The following SVOPL variants were observed in gnomAD, a reference collection of about 807,000 sequenced individuals.
SVOPL encodes the protein SVOP like.
In SVOPL, 60 loss-of-function variants were observed where a neutral mutation model predicts 61.0. That is an observed-to-expected ratio of 0.98 (90% CI 0.80 to 1.22). SVOPL has a LOEUF of 1.22. Among genes scored for constraint, SVOPL ranks in the 50% most tolerant of loss-of-function variants. The pLI, the probability that SVOPL is intolerant of heterozygous loss-of-function variation, is 0.00. For missense variants in SVOPL, 662 were observed against 643.9 expected, an observed-to-expected ratio of 1.03 and a Z score of -0.30; for synonymous variants, 279 against 250.0, an observed-to-expected ratio of 1.12 and a Z score of -1.09.
At chr7:138,595,577 G>C (rs1363491580) in intron 15 of SVOPL, among the ~76,000 whole-genome samples, 1 of 152,168 alleles carries the variant, frequency 6.6e-6, no homozygotes, top group African/African-American at 2.4e-5. Context: ...GCAAAATTAA[G>C]TGACGCTAAA....
chr7:138,619,636 T>C (rs1799461967), intron 14 of SVOPL, among the ~76,000 whole-genome samples: 1 of 140,294 alleles, frequency 7.1e-6, no homozygotes, highest in South Asian at 2.3e-4. Context: ...TTTTAAAAAA[T>C]TCATGATAGC....
At chr7:138,633,517 C>T (rs1454899838) in intron 9 of SVOPL, among the ~76,000 whole-genome samples, 5 of 152,152 alleles carry the variant, frequency 3.3e-5, no homozygotes, top group Non-Finnish European at 5.9e-5. Context: ...TTCCTGAGGC[C>T]TCACCAGAAG....
At chr7:138,596,188 T>TAAAAAAAAA in intron 15 of SVOPL, among the ~76,000 whole-genome samples, 1 of 120,340 alleles carries the variant, frequency 8.3e-6, no homozygotes, top group Non-Finnish European at 1.7e-5. Flanking sequence ...GACTCTGTCT[T>TAAAAAAAAA]AAAAAAAAAA....
At chr7:138,654,548 G>A (rs1192774092) in intron 7 of SVOPL, among the ~76,000 whole-genome samples, 3 of 133,800 alleles carry the variant, frequency 2.2e-5, no homozygotes, top group Non-Finnish European at 4.6e-5. Flanking sequence ...CACCCAGACT[G>A]GAATGCTGTG....
At position 138,649,046 on chromosome 7, in the gene SVOPL, G is replaced by C; in HGVS notation, c.626C>G (p.Ser209Cys). Residue 209 changes from serine (S) to cysteine (C), a missense_variant, in exon 8 of 16, where the codon TCC becomes TGC. Coordinates refer to ENST00000674285, the MANE Select transcript of SVOPL (RefSeq NM_001139456.2). ...CACGATGAGGATGATGCCCGGGATG[G>C]AGGCGACGCGAATGAGCCAGCGCCA... ...IGWRWLIRVA[S>C]IPGIILIVAF... 6.2e-7 allele frequency: 1 copy of C among 1,613,890 alleles called. No individual in the cohort carries two copies. Among genetic ancestry groups the C allele is most frequent in the South Asian group, 1.1e-5 (1 of 91,066 alleles).
chr7:138,664,315 A>C, intron 4 of SVOPL: 13 of 824,294 alleles, frequency 1.6e-5, no homozygotes, highest in South Asian at 5.6e-5. Flanking sequence ...AGCACCCCTA[A>C]TCCTCCATCG....
intron 9 of SVOPL, among the ~76,000 whole-genome samples, chr7:138,637,062 G>C (rs1800501189): frequency 6.6e-6 from 1 of 151,922 alleles, no homozygotes; most frequent in Non-Finnish European, 1.5e-5. Context: ...ATATATACTT[G>C]AATCTACAAA....
chr7:138,605,991 T>TA (rs770873324), intron 14 of SVOPL, among the ~76,000 whole-genome samples: 1 of 73,718 alleles, frequency 1.4e-5, no homozygotes, highest in Non-Finnish European at 3.2e-5. Flanking sequence ...AATTTTTTTT[T>TA]AAATTGTTTT....
rs573742178 is a variant in SVOPL at position 138,686,334 on chromosome 7, G to A, written c.-34-7255C>T. Among the ~76,000 whole-genome samples, 30 of 151,310 alleles carry A rather than the reference G, an allele frequency of 2.0e-4. 1 individual carries two copies. Among genetic ancestry groups the A allele is most frequent in the African/African-American group, 7.0e-4 (29 of 41,282 alleles). On this transcript the variant is annotated intron_variant, in intron 1 of 15. Coordinates refer to ENST00000674285, the MANE Select transcript of SVOPL (RefSeq NM_001139456.2). ...AGGAGAATCGCTTGAACCCCGGGGG[G>A]GGCGGAGGTTGCAGTTAGCCGAGAT...
At chr7:138,688,460 G>C (rs1436799654) in intron 1 of SVOPL, among the ~76,000 whole-genome samples, 1 of 151,720 alleles carries the variant, frequency 6.6e-6, no homozygotes, top group Non-Finnish European at 1.5e-5. Context: ...ATAGAGACAG[G>C]GGTTTCACCA....
At chr7:138,678,165 T>C (rs992140545) in intron 3 of SVOPL, among the ~76,000 whole-genome samples, 2 of 152,160 alleles carry the variant, frequency 1.3e-5, no homozygotes, top group Non-Finnish European at 2.9e-5. Context: ...CATTTACCTA[T>C]AGCCTGAAAG....
chr7:138,596,650 A>G (rs1798295060), intron 14 of SVOPL, 120 bp from the exon 15 acceptor site: 1 of 1,430,000 alleles, frequency 7.0e-7, no homozygotes, highest in African/African-American at 1.4e-5. Flanking sequence ...GCCATTCTAC[A>G]GGTTGTACCT....
intron 8 of SVOPL, among the ~76,000 whole-genome samples, chr7:138,648,532 CCAAAAA>C (rs1801244045): frequency 3.8e-5 from 4 of 104,056 alleles, no homozygotes; most frequent in African/African-American, 9.5e-5. Context: ...TACTAAAAAT[CCAAAAA>C]AAAAAAAAAA....
At chr7:138,638,730 T>C (rs1172324557) in intron 9 of SVOPL, among the ~76,000 whole-genome samples, 2 of 152,104 alleles carry the variant, frequency 1.3e-5, no homozygotes, top group Non-Finnish European at 2.9e-5. Context: ...CAGATAAAGG[T>C]AAAGGTAGCA....
chr7:138,637,156 C>T (rs141726782), intron 9 of SVOPL, among the ~76,000 whole-genome samples: 52 of 151,998 alleles, frequency 3.4e-4, no homozygotes, highest in African/African-American at 1.2e-3. Context: ...ATGGGCTGGG[C>T]GTGGTGGATG....
chr7:138,685,799 G>A (rs927743406), intron 1 of SVOPL, among the ~76,000 whole-genome samples: 1 of 151,890 alleles, frequency 6.6e-6, no homozygotes, highest in Non-Finnish European at 1.5e-5. Context: ...TTAAACCCAG[G>A]AGGCAGAAGT....
intron 6 of SVOPL, among the ~76,000 whole-genome samples, chr7:138,658,513 T>C (rs1801855143): frequency 6.6e-6 from 1 of 152,176 alleles, no homozygotes; most frequent in African/African-American, 2.4e-5. Flanking sequence ...ACTCCTGGGC[T>C]GAAGGGATTT....
intron 1 of SVOPL, among the ~76,000 whole-genome samples, chr7:138,695,442 G>T (rs1286191606): frequency 6.6e-6 from 1 of 152,168 alleles, no homozygotes; most frequent in Non-Finnish European, 1.5e-5. Context: ...AGCCTGGGAG[G>T]TTGAAGCTGC....
At chr7:138,625,922 G>A in intron 13 of SVOPL, 47 bp downstream of exon 13, 1 of 1,592,770 alleles carries the variant, frequency 6.3e-7, no homozygotes, top group Non-Finnish European at 8.6e-7. Flanking sequence ...ATCCTAAGTA[G>A]CTCACCTTAC....
Sources: gnomAD v4.1 joint callset for allele counts (sites outside exome capture counted in the v4.1 genomes callset) on GRCh38, gnomAD v4.1.1 for gene constraint, MANE v1.5 for transcripts, NCBI Gene and HGNC (gene_info 2026-07-23, HGNC 2026-07-21) for gene names.